Variants in SHISA6 observed in about 807,000 individuals in gnomAD.
The protein encoded by SHISA6 is protein shisa-6.
SHISA6 carries 22 observed loss-of-function variants against 47.9 expected under a neutral mutation model. The ratio of observed to expected loss-of-function variants is 0.46; its 90% CI spans 0.33 to 0.66. The LOEUF (loss-of-function observed/expected upper bound fraction) is 0.66, where lower values mean the gene tolerates loss of function less well. Ranked by LOEUF, SHISA6 falls within the 30% of genes least tolerant of loss-of-function variation. The pLI is 0.02. For missense variants in SHISA6, 680 were observed against 764.6 expected, an observed-to-expected ratio of 0.89 and a Z score of 1.30; for synonymous variants, 388 against 337.8, an observed-to-expected ratio of 1.15 and a Z score of -1.63.
chr17:11,261,359 C>CAACTTTA, intron 1 of SHISA6, among the ~76,000 whole-genome samples: 1 of 152,230 alleles, frequency 6.6e-6, no homozygotes, highest in Non-Finnish European at 1.5e-5. Flanking sequence ...GTTTGAGAAA[C>CAACTTTA]ACCTTTTGCT....
At chr17:11,352,931 T>A (rs538744904) in intron 2 of SHISA6, among the ~76,000 whole-genome samples, 1 of 152,358 alleles carries the variant, frequency 6.6e-6, no homozygotes, top group East Asian at 1.9e-4. Context: ...TGGACAGTTC[T>A]TAATCACTTG....
intron 3 of SHISA6, among the ~76,000 whole-genome samples, chr17:11,408,686 C>T (rs376901790): frequency 3.3e-5 from 5 of 152,162 alleles, no homozygotes; most frequent in African/African-American, 1.2e-4. Flanking sequence ...TTGCCAACTC[C>T]AGAAAAATGC....
chr17:11,291,720 G>C (rs1909550551), intron 2 of SHISA6, among the ~76,000 whole-genome samples: 2 of 152,004 alleles, frequency 1.3e-5, no homozygotes, highest in African/African-American at 4.8e-5. Context: ...TCAAGATGTG[G>C]GCAGGGTGGG....
At position 11,329,835 on chromosome 17, in the gene SHISA6, T is replaced by C. The variant is rs1239840225; in HGVS notation, c.800-49579T>C. On this transcript the variant is annotated intron_variant, in intron 2 of 5. Transcript: ENST00000441885. Reference sequence around the variant, plus strand: ...TTATGTGAAAGAGGGAAGCATTGACTCATTGTGTGTAATGTGTTCAAGCGC... The same window carrying C: ...TTATGTGAAAGAGGGAAGCATTGACCCATTGTGTGTAATGTGTTCAAGCGC... Among the ~76,000 whole-genome samples, 3 of 152,106 alleles carry C rather than the reference T, an allele frequency of 2.0e-5. No homozygotes were observed. In the East Asian group the frequency reaches 5.8e-4, roughly 29 times the overall value.
At chr17:11,451,225 C>T (rs544831015) in intron 3 of SHISA6, among the ~76,000 whole-genome samples, 1 of 152,034 alleles carries the variant, frequency 6.6e-6, no homozygotes, top group East Asian at 1.9e-4. Flanking sequence ...ATTCTCTGCC[C>T]CCTTCAATAG....
intron 3 of SHISA6, among the ~76,000 whole-genome samples, chr17:11,496,794 A>G (rs568702056): frequency 1.3e-5 from 2 of 152,220 alleles, no homozygotes; most frequent in African/African-American, 4.8e-5. Flanking sequence ...GGTAGGAAAC[A>G]ATGAGAAGTG....
chr17:11,413,103 C>T (rs754284315), intron 3 of SHISA6, among the ~76,000 whole-genome samples: 9 of 152,150 alleles, frequency 5.9e-5, no homozygotes, highest in Non-Finnish European at 1.0e-4. Flanking sequence ...GCTTCCTCCA[C>T]ACACAGATCT....
At chr17:11,472,373 G>GT (rs1915956042) in intron 3 of SHISA6, among the ~76,000 whole-genome samples, 1 of 152,054 alleles carries the variant, frequency 6.6e-6, no homozygotes, top group African/African-American at 2.4e-5. Context: ...ATTTTCTTTA[G>GT]TTTTTTGTAG....
chr17:11,425,518 A>C (rs1259642879), intron 3 of SHISA6, among the ~76,000 whole-genome samples: 2 of 152,270 alleles, frequency 1.3e-5, no homozygotes, highest in East Asian at 3.9e-4. Context: ...CCACATTTTC[A>C]GACATTAAAA....
intron 1 of SHISA6, among the ~76,000 whole-genome samples, chr17:11,251,400 C>G (rs1386819588): frequency 6.6e-6 from 1 of 150,804 alleles, no homozygotes; most frequent in Non-Finnish European, 1.5e-5. Context: ...TTAAACAAAA[C>G]AAAACACCCT....
chr17:11,525,652 CAAAAAA>C (rs371530736), intron 3 of SHISA6, among the ~76,000 whole-genome samples: 22 of 104,270 alleles, frequency 2.1e-4, no homozygotes, highest in Non-Finnish European at 3.4e-4. Flanking sequence ...AAAAAAAAAA[CAAAAAA>C]AAAAAAACGT....
Position 11,273,307 on chromosome 17 carries a change from C to T in SHISA6, c.799+9781C>T, listed in dbSNP as rs141880126. On this transcript the variant is annotated intron_variant, in intron 2 of 5. Transcript: ENST00000441885. ...GGGCCCCGGGAGCCCCCTCCAGCTA[C>T]GTGAATCCTGTTCTGAAGCCGTGTG... 3.2e-3 allele frequency among the ~76,000 whole-genome samples: 482 copies of T among 152,286 alleles called. 1 individual carries two copies. Among genetic ancestry groups the T allele is most frequent in the African/African-American group, 0.011 (464 of 41,560 alleles).
chr17:11,406,971 G>A (rs1396293427), intron 3 of SHISA6, among the ~76,000 whole-genome samples: 1 of 152,146 alleles, frequency 6.6e-6, no homozygotes, highest in Non-Finnish European at 1.5e-5. Flanking sequence ...GCTGCCATAT[G>A]TAGATAATTA....
intron 2 of SHISA6, among the ~76,000 whole-genome samples, chr17:11,295,330 C>T (rs1464617703): frequency 6.6e-6 from 1 of 152,152 alleles, no homozygotes; most frequent in African/African-American, 2.4e-5. Context: ...TTATTGAGCA[C>T]CTACTAAGTC....
intron 3 of SHISA6, among the ~76,000 whole-genome samples, chr17:11,515,675 A>G (rs1417828920): frequency 6.6e-6 from 1 of 152,138 alleles, no homozygotes. Flanking sequence ...TTGTGCCTCC[A>G]TGTGGGTCAG....
At position 11,270,655 on chromosome 17, in the gene SHISA6, C is replaced by T. The variant is rs115854357; in HGVS notation, c.799+7129C>T. On this transcript the variant is annotated intron_variant, in intron 2 of 5. Transcript: ENST00000441885. ...TAGATGATAAGTAAATGAATGGATG[C>T]GTGTTTTCATAAAATTTGGACATAT... Among the ~76,000 whole-genome samples the T allele has an allele frequency of 5.6e-3, 848 of 152,280 alleles. 8 individuals are homozygous for T. The highest frequency in any genetic ancestry group is 0.02 in the African/African-American group (811 of 41,554).
chr17:11,453,806 G>T (rs2142307972), intron 3 of SHISA6, among the ~76,000 whole-genome samples: 1 of 152,308 alleles, frequency 6.6e-6, no homozygotes, highest in Non-Finnish European at 1.5e-5. Flanking sequence ...AGTCTCAAAA[G>T]GTTGCAAACT....
chr17:11,514,764 G>C (rs1470132484), intron 3 of SHISA6, among the ~76,000 whole-genome samples: 1 of 152,214 alleles, frequency 6.6e-6, no homozygotes, highest in African/African-American at 2.4e-5. Flanking sequence ...CTTCCTTCGG[G>C]TGACCAATGC....
intron 3 of SHISA6, among the ~76,000 whole-genome samples, chr17:11,401,033 G>A (rs1049133503): frequency 1.3e-5 from 2 of 152,174 alleles, no homozygotes; most frequent in African/African-American, 4.8e-5. Context: ...TTGCATATAT[G>A]TCATGTGTTT....
Sources: gnomAD v4.1 joint callset for allele counts (sites outside exome capture counted in the v4.1 genomes callset) on GRCh38, gnomAD v4.1.1 for gene constraint, MANE v1.5 for transcripts, NCBI Gene and HGNC (gene_info 2026-07-23, HGNC 2026-07-21) for gene names.